Variants in FGD3 observed in about 807,000 individuals in gnomAD.
The protein encoded by FGD3 is FYVE, RhoGEF and PH domain containing 3, also known as FYVE, RhoGEF and PH domain-containing protein 3.
FGD3 carries 45 observed loss-of-function variants against 71.8 expected under a neutral mutation model. The ratio of observed to expected loss-of-function variants is 0.63; its 90% CI spans 0.49 to 0.80. The LOEUF is 0.80. Among genes scored for constraint, FGD3 ranks in the 30% least tolerant of loss-of-function variants. The probability of loss-of-function intolerance (pLI) is 0.00; values close to 1 mark genes in which losing one functional copy is unlikely to be tolerated. For missense variants in FGD3, 844 were observed against 951.5 expected, an observed-to-expected ratio of 0.89 and a Z score of 1.49; for synonymous variants, 378 against 392.8, an observed-to-expected ratio of 0.96 and a Z score of 0.44.
rs71496423 is a variant in FGD3, at chr9:92,976,675, C to T, written c.419C>T (p.Pro140Leu). Residue 140 changes from proline to leucine, a missense_variant, in exon 3 of 18, where the codon CCC becomes CTC. Coordinates refer to ENST00000375482, the MANE Select transcript of FGD3 (RefSeq NM_001083536.2). ...VGEEPDSENT[P>L]QKADKDAGLA... ...GAGGAACCTGACTCTGAGAACACCCCCCAGAAGGCTGACAAGGATGCCGGC... is the reference window on the plus strand; with the variant it reads ...GAGGAACCTGACTCTGAGAACACCCTCCAGAAGGCTGACAAGGATGCCGGC... 7,443 of 1,604,052 alleles carry T rather than the reference C, an allele frequency of 4.6e-3. 25 individuals are homozygous for T. Among genetic ancestry groups the T allele is most frequent in the Non-Finnish European group, 5.5e-3 (6,468 of 1,174,880 alleles).
intron 3 of FGD3, among the ~76,000 whole-genome samples, chr9:92,999,530 TG>T (rs1422142922): frequency 6.6e-6 from 1 of 151,610 alleles, no homozygotes. Context: ...ATCCGTCTAA[TG>T]CGTCGCTTAT....
chr9:92,986,964 G>A (rs1490690708), intron 3 of FGD3, among the ~76,000 whole-genome samples: 1 of 152,222 alleles, frequency 6.6e-6, no homozygotes, highest in East Asian at 1.9e-4. Context: ...ATGAGTGCAT[G>A]AATAACAGGG....
rs564483635 is a variant in FGD3 at position 93,012,697 on chromosome 9, G to T, written c.1036-1155G>T. Reference sequence around the variant, plus strand: ...AGGTGTGGGCGGTGGCGGGGTGTGGGGGGGGGAAGAATCAATCTACATAGA... The same window carrying T: ...AGGTGTGGGCGGTGGCGGGGTGTGGTGGGGGGAAGAATCAATCTACATAGA... On this transcript the variant is annotated intron_variant, in intron 8 of 17. Coordinates refer to ENST00000375482, the MANE Select transcript of FGD3 (RefSeq NM_001083536.2). Among the ~76,000 whole-genome samples the T allele has an allele frequency of 6.5e-4, 89 of 136,748 alleles. 1 individual carries two copies. The East Asian group carries it at 0.012, about 18-fold the overall frequency. 89.7% of individuals were successfully genotyped at this position (136,748 alleles called of 152,430 possible). A position where few individuals can be genotyped will look rare whatever the true frequency, so the allele number is the denominator to read the frequency against.
chr9:93,010,169 G>C, intron 6 of FGD3, 77 bp from the exon 7 acceptor site: 1 of 1,514,206 alleles, frequency 6.6e-7, no homozygotes, highest in South Asian at 1.3e-5. Context: ...TCCTGGGGCT[G>C]TGGTGGCCAG....
At chr9:92,967,739 T>A (rs958411547) in intron 1 of FGD3, among the ~76,000 whole-genome samples, 2 of 152,162 alleles carry the variant, frequency 1.3e-5, no homozygotes, top group Non-Finnish European at 2.9e-5. Context: ...CATGCCCAGC[T>A]AATTTTTGTA....
chr9:92,954,011 T>C (rs979742246), intron 1 of FGD3, among the ~76,000 whole-genome samples: 33 of 152,318 alleles, frequency 2.2e-4, no homozygotes, highest in African/African-American at 7.7e-4. Flanking sequence ...TTTAAACAGG[T>C]TGGCTTTCCT....
rs1439670655 is a variant in FGD3 at position 92,978,562 on chromosome 9, T to C, written c.453+1853T>C. 5.9e-5 allele frequency among the ~76,000 whole-genome samples: 9 copies of C among 152,108 alleles called. No individual in the cohort carries two copies. The South Asian group carries it at 1.9e-3, about 32-fold the overall frequency. The stretch of plus-strand genomic sequence containing the variant: ...GAGGCTGCACACTTGCGTGCATTTG[T>C]GTCCTGAAAAGACCTTTTGGCATAC... On this transcript the variant is annotated intron_variant, in intron 3 of 17. Transcript: ENST00000375482.
chr9:92,951,332 G>A (rs1057483293), intron 1 of FGD3, among the ~76,000 whole-genome samples: 2 of 152,124 alleles, frequency 1.3e-5, no homozygotes, highest in African/African-American at 4.8e-5. Flanking sequence ...AACCCATAAG[G>A]TAGAATTTTT....
intron 1 of FGD3, among the ~76,000 whole-genome samples, chr9:92,959,230 G>A (rs1859124279): frequency 6.6e-6 from 1 of 151,726 alleles, no homozygotes; most frequent in Non-Finnish European, 1.5e-5. Flanking sequence ...CAAAGTGCTG[G>A]GATTATATGC....
chr9:93,018,384 A>G (rs1449898694), intron 11 of FGD3, among the ~76,000 whole-genome samples, 169 bp downstream of exon 11: 1 of 152,214 alleles, frequency 6.6e-6, no homozygotes, highest in Non-Finnish European at 1.5e-5. Flanking sequence ...CAGAAAGCCA[A>G]TCACTGAGAT....
rs118046307 is a variant in FGD3, at chr9:92,977,400, C to T, written c.453+691C>T. 6.0e-4 allele frequency among the ~76,000 whole-genome samples: 92 copies of T among 152,150 alleles called. No individual in the cohort carries two copies. The East Asian group carries it at 0.011, about 19-fold the overall frequency. ...TCAGAGAAACTGTGGGTATGGGGGG[C>T]ACAGCTTGGGTAAGTTGCCAAGTGA... On this transcript the variant is annotated intron_variant, in intron 3 of 17. Transcript: ENST00000375482.
intron 16 of FGD3, 103 bp from the exon 17 acceptor site, chr9:93,034,438 C>T: frequency 7.0e-7 from 1 of 1,433,840 alleles, no homozygotes; most frequent in Non-Finnish European, 9.3e-7. Flanking sequence ...TCTCCACAGC[C>T]AGCTCCCCCC....
chr9:92,973,985 G>C (rs1859629765), intron 1 of FGD3, among the ~76,000 whole-genome samples: 1 of 152,212 alleles, frequency 6.6e-6, no homozygotes, highest in African/African-American at 2.4e-5. Context: ...TGGTCTCTGG[G>C]CAGTGAGCTG....
intron 3 of FGD3, among the ~76,000 whole-genome samples, chr9:92,984,167 A>G (rs925264779): frequency 2.0e-5 from 3 of 152,248 alleles, no homozygotes; most frequent in African/African-American, 7.2e-5. Context: ...TGTACAGTTA[A>G]GAGTCATGAT....
At position 93,035,711 on chromosome 9, in the gene FGD3, A is replaced by G. The variant is rs1862575145; in HGVS notation, c.*122A>G. On this transcript the variant is annotated 3_prime_UTR_variant, in exon 18 of 18. Transcript: ENST00000375482. Reference sequence around the variant, plus strand: ...AGGGTGGGCCAACAGCCCAGAGCTCAGGACACTTGGCTTTGGGGGGAAGGA... The same window carrying G: ...AGGGTGGGCCAACAGCCCAGAGCTCGGGACACTTGGCTTTGGGGGGAAGGA... The G allele has an allele frequency of 1.4e-6, 2 of 1,382,550 alleles. No homozygotes were observed. Among genetic ancestry groups the G allele is most frequent in the African/African-American group, 1.5e-5 (1 of 68,770 alleles). 85.6% of individuals were successfully genotyped at this position (1,382,550 alleles called of 1,614,324 possible). A position where few individuals can be genotyped will look rare whatever the true frequency, so the allele number is the denominator to read the frequency against.
intron 1 of FGD3, among the ~76,000 whole-genome samples, chr9:92,962,504 C>T (rs1293455619): frequency 6.6e-6 from 1 of 152,238 alleles, no homozygotes; most frequent in Non-Finnish European, 1.5e-5. Flanking sequence ...CCGGCATTGA[C>T]AGCACAGCAA....
chr9:92,954,609 T>C (rs1859015107), intron 1 of FGD3, among the ~76,000 whole-genome samples: 1 of 152,190 alleles, frequency 6.6e-6, no homozygotes, highest in Non-Finnish European at 1.5e-5. Flanking sequence ...TGCTCCTTCC[T>C]CAGGGGCCAT....
intron 1 of FGD3, among the ~76,000 whole-genome samples, chr9:92,957,677 C>CTTTTTTTTT (rs60726578): frequency 2.0e-5 from 2 of 102,232 alleles, no homozygotes; most frequent in Admixed American, 1.1e-4. Context: ...ATTTTCTTTT[C>CTTTTTTTTT]TTTTTTTTTT....
chr9:93,007,530 A>G (rs1041353204), intron 6 of FGD3, among the ~76,000 whole-genome samples: 4 of 152,186 alleles, frequency 2.6e-5, no homozygotes, highest in Non-Finnish European at 4.4e-5. Flanking sequence ...TGACATGCCT[A>G]TAGTCCCAGT....
Sources: allele counts gnomAD v4.1 joint callset (sites outside exome capture counted in the v4.1 genomes callset), GRCh38; gene constraint gnomAD v4.1.1; transcripts MANE v1.5; gene names NCBI Gene and HGNC (gene_info 2026-07-23, HGNC 2026-07-21).